ANK2: variants seen among roughly 807,000 people sequenced by gnomAD.
The protein encoded by ANK2 is ankyrin 2.
A neutral mutation model predicts 360.5 loss-of-function variants in ANK2; 83 were observed. That is an observed-to-expected ratio of 0.23 (90% CI 0.19 to 0.28). ANK2 has a LOEUF of 0.28. Ranked by LOEUF, ANK2 falls within the 10% of genes least tolerant of loss-of-function variation. The pLI is 1.00. For missense variants in ANK2, 4,201 were observed against 4,795.7 expected (o/e 0.88, Z 3.66); for synonymous variants, 1,740 against 1,759.5 (o/e 0.99, Z 0.28).
intron 2 of ANK2, among the ~76,000 whole-genome samples, chr4:112,977,024 T>C (rs2041658872): frequency 6.6e-6 from 1 of 152,226 alleles, no homozygotes; most frequent in South Asian, 2.1e-4. Flanking sequence ...GCAGGAATTC[T>C]TTGTTCCACT....
At chr4:112,836,560 G>T (rs1441104657) in intron 1 of ANK2, among the ~76,000 whole-genome samples, 1 of 152,214 alleles carries the variant, frequency 6.6e-6, no homozygotes, top group African/African-American at 2.4e-5. Context: ...TTGTTGAATG[G>T]TTTTGACCAA....
intron 1 of ANK2, among the ~76,000 whole-genome samples, chr4:113,117,878 A>G (rs1358078829): frequency 6.6e-6 from 1 of 152,134 alleles, no homozygotes; most frequent in African/African-American, 2.4e-5. Flanking sequence ...TAAACTAAAG[A>G]TTTTATGTGC....
chr4:112,797,308 A>G, the ANK2 span: 1 of 152,196 alleles, frequency 6.6e-6, no homozygotes, highest in Non-Finnish European at 1.5e-5. Flanking sequence ...TCTTCTATAC[A>G]TACACCTAGA....
Position 113,288,381 on chromosome 4 carries a change from T to C in ANK2, c.2179-7T>C, listed in dbSNP as rs1252522463. 5 of 1,610,872 alleles carry C rather than the reference T, an allele frequency of 3.1e-6. No homozygotes were observed. The stretch of plus-strand genomic sequence containing the variant: ...ATCTATTTTTAACTTTTTATTATTA[T>C]TTACAGCTTGGTTACACACCTTTAA... On this transcript the variant is annotated splice_region_variant and splice_polypyrimidine_tract_variant and intron_variant, in intron 19 of 45. Coordinates refer to ENST00000357077, the MANE Select transcript of ANK2 (RefSeq NM_001148.6).
chr4:113,259,932 G>A (rs1046592243), intron 13 of ANK2, among the ~76,000 whole-genome samples: 5 of 150,958 alleles, frequency 3.3e-5, no homozygotes, highest in African/African-American at 1.2e-4. Context: ...ACAAAAAACC[G>A]CTGTGTTCTT....
chr4:113,360,126 C>A (rs2096110887), intron 38 of ANK2, among the ~76,000 whole-genome samples: 1 of 152,006 alleles, frequency 6.6e-6, no homozygotes, highest in Admixed American at 6.6e-5. Context: ...TAAAATGCTG[C>A]CTATCAATCA....
At chr4:113,120,290 C>T (rs1323729925) in intron 1 of ANK2, among the ~76,000 whole-genome samples, 2 of 152,214 alleles carry the variant, frequency 1.3e-5, no homozygotes, top group African/African-American at 4.8e-5. Flanking sequence ...CAGAATATCT[C>T]TATTCTAATT....
chr4:113,375,910 T>C (rs1363781900), intron 45 of ANK2, among the ~76,000 whole-genome samples: 1 of 152,146 alleles, frequency 6.6e-6, no homozygotes, highest in Non-Finnish European at 1.5e-5. Context: ...CTAGAGTGAA[T>C]GTTTTAGTGA....
intron 4 of ANK2, among the ~76,000 whole-genome samples, chr4:113,204,393 A>G (rs888185240): frequency 4.6e-5 from 7 of 152,146 alleles, no homozygotes; most frequent in African/African-American, 1.7e-4. Flanking sequence ...TTTATAGAAG[A>G]AGGGAAGGGC....
rs527462024 is a variant in ANK2 at position 113,353,983 on chromosome 4, A to C, written c.5365A>C (p.Ile1789Leu). 11 of 1,614,122 alleles carry C rather than the reference A, an allele frequency of 6.8e-6. No homozygotes were observed. In the East Asian group the frequency reaches 2.5e-4, roughly 36 times the overall value. Residue 1789 changes from isoleucine to leucine, a missense_variant, in exon 38 of 46, where the codon ATC becomes CTC. This residue lies in a region of ANK2 where 2,642 missense variants were observed against 2,714.5 expected (regional missense o/e 0.97). Coordinates refer to ENST00000357077, the MANE Select transcript of ANK2 (RefSeq NM_001148.6). ...ACAGAAAGGTCGAAGCAAGTTGCCC[A>C]TCAGAGTCAAAGGCAAGGAGGACGT... ...DEQKGRSKLPIRVKGKEDVPK... is the reference protein window; with the variant it reads ...DEQKGRSKLPLRVKGKEDVPK...
Position 112,935,874 on chromosome 4 carries a change from A to T in ANK2, c.21+31360A>T, listed in dbSNP as rs547628924. ...AACAAACAAACAAACAAACAAACAA[A>T]CTCAACCAAGAATATAGAAATATAC... On this transcript the variant is annotated intron_variant, in intron 2 of 30. Transcript: ENST00000503271. Among the ~76,000 whole-genome samples, 504 of 151,808 alleles carry T rather than the reference A, an allele frequency of 3.3e-3. 3 individuals are homozygous for T. The highest frequency in any genetic ancestry group is 0.012 in the African/African-American group (481 of 41,396).
chr4:112,787,743 G>T, the ANK2 span, among the ~76,000 whole-genome samples: 3 of 152,186 alleles, frequency 2.0e-5, no homozygotes, highest in Admixed American at 6.5e-5. Flanking sequence ...TCAGTTGGAA[G>T]GGGGGCACTT....
At chr4:113,258,495 T>A in intron 13 of ANK2, 84 bp downstream of exon 13, 1 of 1,346,498 alleles carries the variant, frequency 7.4e-7, no homozygotes. Flanking sequence ...TGTGTTTGCG[T>A]GTATGTCATC....
intron 1 of ANK2, among the ~76,000 whole-genome samples, chr4:113,070,387 G>A (rs925127876): frequency 1.3e-5 from 2 of 151,518 alleles, no homozygotes; most frequent in African/African-American, 4.9e-5. Context: ...AATTAGAAGG[G>A]TAGTGGTGAT....
At chr4:112,867,551 C>A (rs1372040964) in intron 1 of ANK2, among the ~76,000 whole-genome samples, 3 of 152,020 alleles carry the variant, frequency 2.0e-5, no homozygotes, top group Non-Finnish European at 2.9e-5. Context: ...AGCAGTAACT[C>A]CCCTTTCCCC....
rs377523563 is a variant in ANK2, at chr4:113,348,322, A to G, written c.4404+14A>G. The G allele has an allele frequency of 6.2e-7, 1 of 1,612,600 alleles. No homozygotes were observed. Among genetic ancestry groups the G allele is most frequent in the African/African-American group, 1.3e-5 (1 of 74,984 alleles). Reference sequence around the variant, plus strand: ...CAGGAGGAAGAGGTAATTTTATGACAGTGTCACTTGTTATCGGCTGTGTCA... The same window carrying G: ...CAGGAGGAAGAGGTAATTTTATGACGGTGTCACTTGTTATCGGCTGTGTCA... On this transcript the variant is annotated intron_variant, in intron 36 of 45. Transcript: ENST00000357077.
intron 36 of ANK2, among the ~76,000 whole-genome samples, chr4:113,349,921 CT>C (rs2095290788): frequency 6.6e-6 from 1 of 152,072 alleles, no homozygotes; most frequent in African/African-American, 2.4e-5. Context: ...TGACTTCACC[CT>C]TTTTCTGATG....
chr4:113,354,478 G>A lies in ANK2; in HGVS notation c.5860G>A (p.Ala1954Thr), dbSNP rs371556220. 6.2e-7 allele frequency: 1 copy of A among 1,613,996 alleles called. No homozygotes were observed. Among genetic ancestry groups the A allele is most frequent in the Non-Finnish European group, 8.5e-7 (1 of 1,179,968 alleles). ...GGACAAGCACCAACCTGTATCAACA[G>A]CTGGGAAAACTGAGAAGCACCTGCC... is the stretch of plus-strand genomic sequence containing the variant. ...RTDKHQPVST[A>T]GKTEKHLPVS... Residue 1954 changes from alanine (A) to threonine (T), a missense_variant, in exon 38 of 46, where the codon GCT becomes ACT. Physicochemically the swap from Ala to Thr is moderately conservative, Grantham distance 58 (BLOSUM62 0). This residue lies in a region of ANK2 where 2,642 missense variants were observed against 2,714.5 expected (regional missense o/e 0.97). Transcript: ENST00000357077.
At chr4:113,343,270 C>T (rs539624762) in intron 34 of ANK2, 128 bp downstream of exon 34, 73 of 970,100 alleles carry the variant, frequency 7.5e-5, no homozygotes, top group Middle Eastern at 3.4e-4. Context: ...ATATTTGTAA[C>T]GTTTTACAGC....
Sources: gnomAD v4.1 joint callset for allele counts (sites outside exome capture counted in the v4.1 genomes callset) on GRCh38, gnomAD v4.1.1 for gene constraint, gnomAD v4.1.1 regional missense constraint, MANE v1.5 for transcripts, NCBI Gene and HGNC (gene_info 2026-07-23, HGNC 2026-07-21) for gene names.